Variants in RPGRIP1L observed in about 807,000 individuals in gnomAD.
RPGRIP1L encodes the protein RPGRIP1 like, also known as protein fantom.
RPGRIP1L carries 131 observed loss-of-function variants against 160.4 expected under a neutral mutation model. That is an observed-to-expected ratio of 0.82 (90% CI 0.71 to 0.94). The LOEUF is 0.94. Among genes scored for constraint, RPGRIP1L ranks in the 40% least tolerant of loss-of-function variants. RPGRIP1L has a pLI of 0.00. For missense variants in RPGRIP1L, 1,522 were observed against 1,535.8 expected (o/e 0.99, Z 0.15); for synonymous variants, 510 against 515.8 (o/e 0.99, Z 0.15).
In RPGRIP1L at chr16:53,672,940, T is replaced by A; in HGVS notation, c.959A>T (p.Gln320Leu). ...CTCAAGACTGCAGCATTTTAAACGCTGCTCTTTAAGTTGCATGTTTAATTC... is the reference window on the plus strand; with the variant it reads ...CTCAAGACTGCAGCATTTTAAACGCAGCTCTTTAAGTTGCATGTTTAATTC... ...GDELNMQLKE[Q>L]RLKCCSLEKQ... The change falls in exon 8 of 27, where the codon CAG becomes CTG. Residue 320 changes from glutamine to leucine, a missense_variant. Transcript: ENST00000647211. 6.2e-7 allele frequency: 1 copy of A among 1,613,176 alleles called. No individual in the cohort carries two copies. The highest frequency in any genetic ancestry group is 8.5e-7 in the Non-Finnish European group (1 of 1,179,416).
At position 53,700,682 on chromosome 16, in the gene RPGRIP1L, C is replaced by T; in HGVS notation, c.42G>A (p.Val14=). ...CAAAGAGGTTTAGACCTGTATCTTT[C>T]ACAGGCAAGTCTCCTGCAGTCTCAT... ...PTDETAGDLP[V]KDTGLNLFGM... The change falls in exon 2 of 27, where the codon GTG becomes GTA. Residue 14 remains valine, a synonymous_variant. Coordinates refer to ENST00000647211, the MANE Select transcript of RPGRIP1L (RefSeq NM_015272.5). 2 of 1,613,612 alleles carry T rather than the reference C, an allele frequency of 1.2e-6. No homozygotes were observed. Among genetic ancestry groups the T allele is most frequent in the South Asian group, 1.1e-5 (1 of 90,914 alleles).
At chr16:53,649,758 C>T (rs1966820360) in intron 15 of RPGRIP1L, among the ~76,000 whole-genome samples, 1 of 152,188 alleles carries the variant, frequency 6.6e-6, no homozygotes, top group Non-Finnish European at 1.5e-5. Flanking sequence ...GAGTAGAGCC[C>T]TGTGCCTCCT....
chr16:53,636,835 T>C (rs549404764), intron 21 of RPGRIP1L, among the ~76,000 whole-genome samples: 8 of 152,282 alleles, frequency 5.3e-5, no homozygotes, highest in African/African-American at 1.9e-4. Flanking sequence ...AGTAATGTTA[T>C]GTAAGTCAAT....
chr16:53,650,248 C>G (rs771204112), intron 15 of RPGRIP1L, among the ~76,000 whole-genome samples: 42 of 152,084 alleles, frequency 2.8e-4, no homozygotes, highest in Non-Finnish European at 3.4e-4. Context: ...CTTGCTCGCT[C>G]CCACCCTCTA....
intron 12 of RPGRIP1L, among the ~76,000 whole-genome samples, chr16:53,657,881 A>G (rs1243262801): frequency 6.6e-6 from 1 of 152,158 alleles, no homozygotes. Context: ...GAGAAATCAA[A>G]AAATAGTTAC....
chr16:53,648,614 G>GCA (rs1966725823), intron 16 of RPGRIP1L, among the ~76,000 whole-genome samples: 1 of 89,340 alleles, frequency 1.1e-5, no homozygotes, highest in Admixed American at 1.2e-4. Context: ...GTACGCGCGT[G>GCA]CGCGCGCGCG....
intron 22 of RPGRIP1L, among the ~76,000 whole-genome samples, chr16:53,632,597 C>G (rs1965589311): frequency 6.6e-6 from 1 of 152,086 alleles, no homozygotes; most frequent in African/African-American, 2.4e-5. Context: ...ATCCCCATTC[C>G]TTAAAAATCT....
At chr16:53,649,703 T>G (rs763846620) in intron 15 of RPGRIP1L, among the ~76,000 whole-genome samples, 2 of 152,180 alleles carry the variant, frequency 1.3e-5, no homozygotes, top group African/African-American at 4.8e-5. Flanking sequence ...CAGGCAGCTC[T>G]TCATCTCTCT....
intron 6 of RPGRIP1L, among the ~76,000 whole-genome samples, chr16:53,676,359 T>C (rs1969165982): frequency 6.6e-6 from 1 of 152,062 alleles, no homozygotes; most frequent in African/African-American, 2.4e-5. Context: ...TCACTAATAT[T>C]CACTCAGTAT....
At chr16:53,631,935 T>A (rs1383474662) in intron 22 of RPGRIP1L, among the ~76,000 whole-genome samples, 1 of 152,214 alleles carries the variant, frequency 6.6e-6, no homozygotes, top group African/African-American at 2.4e-5. Flanking sequence ...AAACTTTATG[T>A]AGCCTGTTAA....
rs1187565171 is a variant in RPGRIP1L at position 53,598,681 on chromosome 16, T to C, written c.*3395A>G. ...GGGATGTAAATCTGTTTGTTCCCAT[T>C]CATGGATTTAATTAGGCATGTTGCC... On this transcript the variant is annotated 3_prime_UTR_variant, in exon 27 of 27. Coordinates refer to ENST00000647211, the MANE Select transcript of RPGRIP1L (RefSeq NM_015272.5). 1 of 152,254 alleles carries C rather than the reference T, an allele frequency of 6.6e-6. No individual in the cohort carries two copies. The highest frequency in any genetic ancestry group is 1.5e-5 in the Non-Finnish European group (1 of 68,046). The allele number at this position is 152,254 out of a possible 1,614,324, so 9.4% of individuals were successfully genotyped here.
intron 10 of RPGRIP1L, chr16:53,659,705 G>A (rs1273077040): frequency 6.6e-6 from 1 of 151,952 alleles, no homozygotes; most frequent in Admixed American, 6.6e-5. Context: ...GCAACACAGG[G>A]AGATCTCATC....
At chr16:53,699,848 G>A (rs1220231044) in intron 2 of RPGRIP1L, among the ~76,000 whole-genome samples, 3 of 150,636 alleles carry the variant, frequency 2.0e-5, no homozygotes, top group African/African-American at 7.3e-5. Flanking sequence ...AAATTTCTGT[G>A]TAGCCAAATT....
chr16:53,618,961 C>G (rs1964544850), intron 24 of RPGRIP1L, 64 bp downstream of exon 24: 1 of 1,299,150 alleles, frequency 7.7e-7, no homozygotes, highest in Non-Finnish European at 1.1e-6. Flanking sequence ...TCTGTTCTTT[C>G]CACTTCTTTC....
At chr16:53,627,789 C>T (rs781016172) in intron 22 of RPGRIP1L, among the ~76,000 whole-genome samples, 4 of 151,908 alleles carry the variant, frequency 2.6e-5, no homozygotes, top group African/African-American at 4.8e-5. Flanking sequence ...TTTTCAAATC[C>T]AATTTATTCA....
chr16:53,645,769 G>C lies in RPGRIP1L; in HGVS notation c.2539C>G (p.Pro847Ala). The C allele has an allele frequency of 6.2e-7, 1 of 1,614,064 alleles. No homozygotes were observed. The highest frequency in any genetic ancestry group is 1.3e-5 in the African/African-American group (1 of 75,012). ...QFDDHMYFPV[P>A]MNMDLDRYLK... The stretch of plus-strand genomic sequence containing the variant: ...TATCGATCCAAGTCCATATTCATTG[G>C]CACTGGGAAATACATATGATCATCA... The change falls in exon 17 of 27, where the codon CCA becomes GCA. Residue 847 changes from proline (P) to alanine (A), a missense_variant. Pro to Ala is a conservative substitution (Grantham distance 27, BLOSUM62 -1). Transcript: ENST00000647211.
Position 53,672,933 on chromosome 16 carries a change from T to A in RPGRIP1L, c.966A>T (p.Leu322Phe). The A allele has an allele frequency of 6.2e-7, 1 of 1,612,604 alleles. No homozygotes were observed. The highest frequency in any genetic ancestry group is 1.1e-5 in the South Asian group (1 of 91,050). ...ELNMQLKEQR[L>F]KCCSLEKQLH... The stretch of plus-strand genomic sequence containing the variant: ...ATTGTTTCTCAAGACTGCAGCATTT[T>A]AAACGCTGCTCTTTAAGTTGCATGT... Residue 322 changes from leucine (L) to phenylalanine (F), a missense_variant, in exon 8 of 27, where the codon TTA (leucine) becomes TTT (phenylalanine). By Grantham distance (22) the Leu-to-Phe change is conservative (BLOSUM62 0). Coordinates refer to ENST00000647211, the MANE Select transcript of RPGRIP1L (RefSeq NM_015272.5).
intron 13 of RPGRIP1L, 128 bp from the exon 14 acceptor site, chr16:53,656,717 C>A: frequency 1.4e-6 from 1 of 727,374 alleles, no homozygotes; most frequent in Non-Finnish European, 2.5e-6. Flanking sequence ...GGTTTCCTGA[C>A]CTCAAGTAGC....
intron 11 of RPGRIP1L, 92 bp downstream of exon 11, chr16:53,658,680 T>C (rs180788680): frequency 2.7e-5 from 25 of 917,874 alleles, no homozygotes; most frequent in Non-Finnish European, 4.3e-5. Context: ...TATATCTGTA[T>C]GCTTTCGCTT....
Sources: gnomAD v4.1 joint callset for allele counts (sites outside exome capture counted in the v4.1 genomes callset) on GRCh38, gnomAD v4.1.1 for gene constraint, MANE v1.5 for transcripts, NCBI Gene and HGNC (gene_info 2026-07-23, HGNC 2026-07-21) for gene names.